CADM2: variants seen among roughly 807,000 people sequenced by gnomAD.
The protein encoded by CADM2 is cell adhesion molecule 2.
In CADM2, 12 loss-of-function variants were observed where a neutral mutation model predicts 49.8. That is an observed-to-expected ratio of 0.24 (90% CI 0.15 to 0.39). The LOEUF (loss-of-function observed/expected upper bound fraction) is 0.39. CADM2 is among the 10% of genes least tolerant of loss of function. The pLI, the probability that CADM2 is intolerant of heterozygous loss-of-function variation, is 1.00. For synonymous variants in CADM2, 214 were observed against 175.4 expected (o/e 1.22, Z -1.74); for missense variants, 378 against 492.3 (o/e 0.77, Z 2.20).
At chr3:85,226,031 ATCT>A (rs1030447837) in intron 1 of CADM2, among the ~76,000 whole-genome samples, 12 of 152,208 alleles carry the variant, frequency 7.9e-5, no homozygotes, top group African/African-American at 2.7e-4. Flanking sequence ...TTTCACATCA[ATCT>A]TCATCAGGGA....
At chr3:85,433,962 C>CT (rs377280033) in intron 1 of CADM2, among the ~76,000 whole-genome samples, 154 of 152,110 alleles carry the variant, frequency 1.0e-3, no homozygotes, top group African/African-American at 3.6e-3. Context: ...ATCCCTTAGA[C>CT]TTTTTTTGTA....
chr3:85,842,620 G>A (rs373245316), intron 3 of CADM2, among the ~76,000 whole-genome samples: 19 of 152,062 alleles, frequency 1.2e-4, no homozygotes, highest in African/African-American at 4.6e-4. Flanking sequence ...GGCAAGGTTA[G>A]GAAGCAGGGA....
At chr3:85,031,163 G>A (rs2034960639) in intron 1 of CADM2, among the ~76,000 whole-genome samples, 1 of 152,150 alleles carries the variant, frequency 6.6e-6, no homozygotes, top group Non-Finnish European at 1.5e-5. Flanking sequence ...TCACAGATGT[G>A]AAGCGACGGC....
At chr3:85,690,238 A>G (rs1010919012) in intron 1 of CADM2, among the ~76,000 whole-genome samples, 9 of 152,280 alleles carry the variant, frequency 5.9e-5, no homozygotes, top group African/African-American at 1.4e-4. Context: ...TGGAGTAGCT[A>G]GTAGAGTCAG....
intron 8 of CADM2, among the ~76,000 whole-genome samples, chr3:86,053,381 A>G (rs1207261950): frequency 1.3e-5 from 2 of 152,108 alleles, no homozygotes; most frequent in East Asian, 1.9e-4. Flanking sequence ...CACCACTTAT[A>G]CTTTTGGTCA....
intron 5 of CADM2, among the ~76,000 whole-genome samples, chr3:85,889,809 C>A (rs909560744): frequency 6.6e-6 from 1 of 151,952 alleles, no homozygotes; most frequent in African/African-American, 2.4e-5. Context: ...AAAAATATTC[C>A]ACCCAAGCTT....
At chr3:86,017,301 T>C (rs1392245450) in intron 8 of CADM2, among the ~76,000 whole-genome samples, 5 of 151,792 alleles carry the variant, frequency 3.3e-5, no homozygotes, top group African/African-American at 1.2e-4. Context: ...TTTGGTCAAA[T>C]AGATGTTATT....
chr3:85,248,877 CATG>C (rs887109173), intron 1 of CADM2, among the ~76,000 whole-genome samples: 1 of 152,112 alleles, frequency 6.6e-6, no homozygotes, highest in Non-Finnish European at 1.5e-5. Context: ...CTTTCTCATC[CATG>C]ATGTTCATTA....
At chr3:85,407,644 A>T (rs1221228903) in intron 1 of CADM2, among the ~76,000 whole-genome samples, 1 of 152,168 alleles carries the variant, frequency 6.6e-6, no homozygotes, top group African/African-American at 2.4e-5. Flanking sequence ...AAAGAAATTT[A>T]GCAGCAGTGG....
rs11308008 is a variant in CADM2 at position 85,005,815 on chromosome 3, TG to T, written c.61+46148del. Reference sequence around the variant, plus strand: ...TCTTTCTTAATGGAATTGTGTGTGTTGTATTTTTCAATTACCAACTCTGAGG... The same window carrying T: ...TCTTTCTTAATGGAATTGTGTGTGTTTATTTTTCAATTACCAACTCTGAGG... On this transcript the variant is annotated intron_variant, in intron 1 of 9. Transcript: ENST00000383699. 6.3e-3 allele frequency among the ~76,000 whole-genome samples: 960 copies of T among 152,212 alleles called. 14 individuals carry two copies. Among genetic ancestry groups the T allele is most frequent in the African/African-American group, 0.022 (918 of 41,544 alleles).
chr3:85,887,300 C>G (rs1430773357), intron 5 of CADM2, among the ~76,000 whole-genome samples: 1 of 152,050 alleles, frequency 6.6e-6, no homozygotes, highest in East Asian at 1.9e-4. Context: ...CTAGGCTGGT[C>G]TCGAACTTCT....
intron 4 of CADM2, among the ~76,000 whole-genome samples, chr3:85,884,515 T>C (rs1348423693): frequency 2.0e-5 from 3 of 152,174 alleles, no homozygotes; most frequent in African/African-American, 7.2e-5. Flanking sequence ...TATTGTTCTG[T>C]AGAGAGCCAA....
At chr3:85,945,998 T>G (rs1293228311) in intron 7 of CADM2, among the ~76,000 whole-genome samples, 4 of 152,074 alleles carry the variant, frequency 2.6e-5, no homozygotes, top group African/African-American at 7.3e-5. Context: ...TGTCCCTGTT[T>G]GCAGACGACA....
chr3:86,061,992 G>GGC (rs1553731932), intron 8 of CADM2, among the ~76,000 whole-genome samples: 1 of 102,298 alleles, frequency 9.8e-6, no homozygotes, highest in Non-Finnish European at 2.1e-5. Flanking sequence ...ATGGTGGGGG[G>GGC]GGGGTTGAAT....
chr3:85,768,222 G>A (rs937707981), intron 2 of CADM2, among the ~76,000 whole-genome samples: 11 of 151,950 alleles, frequency 7.2e-5, no homozygotes, highest in East Asian at 1.9e-4. Context: ...AGAGGCAGGC[G>A]TTTTGCCTGA....
At chr3:85,602,006 C>A (rs1370361004) in intron 1 of CADM2, among the ~76,000 whole-genome samples, 1 of 151,684 alleles carries the variant, frequency 6.6e-6, no homozygotes, top group African/African-American at 2.4e-5. Context: ...CAGGAAAAAC[C>A]TTCAAACATT....
At chr3:85,921,281 T>C (rs1271274423) in intron 6 of CADM2, among the ~76,000 whole-genome samples, 2 of 151,978 alleles carry the variant, frequency 1.3e-5, no homozygotes, top group Non-Finnish European at 2.9e-5. Flanking sequence ...GAAATTTTTG[T>C]ATTTCTACTT....
intron 8 of CADM2, among the ~76,000 whole-genome samples, chr3:86,047,097 T>C (rs1164076467): frequency 6.6e-6 from 1 of 152,106 alleles, no homozygotes. Context: ...GAAATTAAGT[T>C]CGCTTCTTCA....
chr3:85,321,117 T>TA (rs1559778035), intron 1 of CADM2, among the ~76,000 whole-genome samples: 307 of 4,682 alleles, frequency 0.066, no homozygotes, highest in Non-Finnish European at 0.081. Context: ...TATATATATA[T>TA]TTTTTTTTTT....
Sources: gnomAD v4.1 joint callset for allele counts (sites outside exome capture counted in the v4.1 genomes callset) on GRCh38, gnomAD v4.1.1 for gene constraint, MANE v1.5 for transcripts, NCBI Gene and HGNC (gene_info 2026-07-23, HGNC 2026-07-21) for gene names.